TEAD2: variants seen among roughly 807,000 people sequenced by gnomAD.
TEAD2 encodes TEA domain transcription factor 2, also known as transcriptional enhancer factor TEF-4.
In TEAD2, 51 loss-of-function variants were observed where a neutral mutation model predicts 61.4. That is an observed-to-expected ratio of 0.83 (90% CI 0.66 to 1.05). The LOEUF is 1.05. Ranked by LOEUF, TEAD2 falls within the 50% of genes least tolerant of loss-of-function variation. TEAD2 has a pLI of 0.00. For synonymous variants in TEAD2, 244 were observed against 243.2 expected, an observed-to-expected ratio of 1.00 and a Z score of -0.03; for missense variants, 509 against 600.0, an observed-to-expected ratio of 0.85 and a Z score of 1.58.
At chr19:49,352,418 C>T (rs1030501051) in intron 7 of TEAD2, among the ~76,000 whole-genome samples, 4 of 152,182 alleles carry the variant, frequency 2.6e-5, no homozygotes, top group African/African-American at 9.7e-5. Context: ...ACTTAGATGT[C>T]AGAGGTCAGA....
intron 9 of TEAD2, among the ~76,000 whole-genome samples, chr19:49,348,458 T>C (rs1445644642): frequency 1.3e-5 from 2 of 150,480 alleles, no homozygotes; most frequent in East Asian, 3.9e-4. Context: ...AGTTCCTTTA[T>C]GCTAGTAGTT....
At position 49,341,453 on chromosome 19, in the gene TEAD2, G is replaced by A. The variant is rs1025852339; in HGVS notation, c.1243-16C>T. 1 of 1,608,050 alleles carries A rather than the reference G, an allele frequency of 6.2e-7. No homozygotes were observed. The highest frequency in any genetic ancestry group is 1.3e-5 in the African/African-American group (1 of 74,764). On this transcript the variant is annotated splice_polypyrimidine_tract_variant and intron_variant, in intron 12 of 12. Transcript: ENST00000593945. This position sits in a 1 kb window ranked among gnomAD's most constrained non-coding sequence, Gnocchi z 4.2. ...TTGTCACCACCTGCCAGGAAGGCCA[G>A]GACAAGGGACTTATGCTTAGAAGGG...
Position 49,355,505 on chromosome 19 carries a change from G to A in TEAD2, c.373-86C>T, listed in dbSNP as rs559508943. Reference sequence around the variant, plus strand: ...GATGGTGCCAGGGTGGGGTGAAGACGGGGAGGTGCAGAGGTGGGGAGTCAA... The same window carrying A: ...GATGGTGCCAGGGTGGGGTGAAGACAGGGAGGTGCAGAGGTGGGGAGTCAA... On this transcript the variant is annotated intron_variant, in intron 5 of 12. Transcript: ENST00000593945. 2.6e-5 allele frequency: 31 copies of A among 1,180,620 alleles called. No homozygotes were observed. The African/African-American group carries it at 3.0e-4, about 11-fold the overall frequency. 73.1% of individuals were successfully genotyped at this position (1,180,620 alleles called of 1,614,324 possible).
intron 3 of TEAD2, among the ~76,000 whole-genome samples, chr19:49,358,805 G>A (rs1190112628): frequency 6.6e-6 from 1 of 151,510 alleles, no homozygotes; most frequent in African/African-American, 2.4e-5. Flanking sequence ...GCTAATTTTT[G>A]TATTTTTAGT....
intron 9 of TEAD2, among the ~76,000 whole-genome samples, chr19:49,348,222 A>G (rs1425657913): frequency 5.9e-5 from 9 of 152,220 alleles, no homozygotes; most frequent in African/African-American, 2.2e-4. Flanking sequence ...CATGCAACTT[A>G]TCTGGCATTC....
At position 49,359,708 on chromosome 19, in the gene TEAD2, C is replaced by T; in HGVS notation, c.232+136G>A. ...GCTCTGTGCGACCATAAGCAAATCA[C>T]TTAACCTAGCTGTGCCTCAGTTTCC... On this transcript the variant is annotated intron_variant, in intron 2 of 12. Transcript: ENST00000593945. This position sits in a 1 kb window ranked among gnomAD's most constrained non-coding sequence, Gnocchi z 4.1. The T allele has an allele frequency of 1.6e-5, 17 of 1,078,880 alleles. No homozygotes were observed. Among genetic ancestry groups the T allele is most frequent in the South Asian group, 2.9e-5 (2 of 69,414 alleles). The allele number at this position is 1,078,880 out of a possible 1,614,324, so 66.8% of individuals were successfully genotyped here.
rs1972460001 is a variant in TEAD2, at chr19:49,357,150, C to A, written c.360+102G>T. On this transcript the variant is annotated intron_variant, in intron 4 of 12. Transcript: ENST00000593945. ...GGTCTCAGTCCTCCCCGCTCTAAGT[C>A]TCTGTCCCCCTCTCCCTGGGTCTCT... The A allele has an allele frequency of 3.4e-6, 4 of 1,159,424 alleles. 1 individual carries two copies. In the South Asian group the frequency reaches 5.1e-5, roughly 15 times the overall value. The allele number at this position is 1,159,424 out of a possible 1,614,324, so 71.8% of individuals were successfully genotyped here. A position where few individuals can be genotyped will look rare whatever the true frequency, so the allele number is the denominator to read the frequency against.
rs73588392 is a variant in TEAD2 at position 49,341,860 on chromosome 19, A to T, written c.1243-423T>A. Among the ~76,000 whole-genome samples the T allele has an allele frequency of 8.5e-3, 1,287 of 152,214 alleles. 19 individuals are homozygous for T. The highest frequency in any genetic ancestry group is 0.029 in the African/African-American group (1,198 of 41,540). ...GAGGATCTGCCTTCGAGTGCCCTCC[A>T]GTCAGCTTCACCAGGGAAGGAGGGA... On this transcript the variant is annotated intron_variant, in intron 12 of 12. Transcript: ENST00000593945. This position sits in a 1 kb window ranked among gnomAD's most constrained non-coding sequence, Gnocchi z 4.2.
intron 1 of TEAD2, among the ~76,000 whole-genome samples, chr19:49,360,960 AC>A (rs1972837839): frequency 1.0e-5 from 1 of 100,020 alleles, no homozygotes; most frequent in African/African-American, 4.1e-5. Context: ...GAGACCAGTG[AC>A]GGAGGGGACA....
chr19:49,361,443 C>T (rs1972926208), intron 1 of TEAD2: 1 of 152,984 alleles, frequency 6.5e-6, no homozygotes, highest in Non-Finnish European at 1.5e-5. Context: ...GAGGCCGAGA[C>T]CAGGAGAGAC....
At chr19:49,354,386 C>A (rs1328432085) in intron 7 of TEAD2, among the ~76,000 whole-genome samples, 1 of 152,002 alleles carries the variant, frequency 6.6e-6, no homozygotes, top group Non-Finnish European at 1.5e-5. Context: ...TGCCTGTAGT[C>A]TCAGCTACTC....
At chr19:49,350,829 C>T (rs146079826) in intron 8 of TEAD2, among the ~76,000 whole-genome samples, 1,789 of 152,128 alleles carry the variant, frequency 0.012, 19 homozygotes, top group Middle Eastern at 0.031. Flanking sequence ...CAGCCCCTCC[C>T]GGCTCCCCCG....
Position 49,347,332 on chromosome 19 carries a change from T to C in TEAD2, c.779A>G (p.Gln260Arg), listed in dbSNP as rs748045399. The C allele has an allele frequency of 1.2e-6, 2 of 1,612,136 alleles. No individual in the cohort carries two copies. Among genetic ancestry groups the C allele is most frequent in the Admixed American group, 3.3e-5 (2 of 60,010 alleles). The part of the protein sequence containing the change: ...YQRHLFVHIS[Q>R]HCPSPGAPPL... ...CGGCGCTCCGGGGCTGGGGCAGTGC[T>C]GGCTGATGTGCACGAACAGGTGCCT... The change falls in exon 10 of 13, where the codon CAG (glutamine) becomes CGG (arginine). Residue 260 changes from glutamine (Q) to arginine (R), a missense_variant. Coordinates refer to ENST00000593945, the MANE Select transcript of TEAD2 (RefSeq NM_001256660.2).
At position 49,354,043 on chromosome 19, in the gene TEAD2, C is replaced by T. The variant is rs144743319; in HGVS notation, c.539+1105G>A. Reference sequence around the variant, plus strand: ...TCGATCTCCTGACCTCGTGATCCACCCGCCTCAGCCTCCCAAAGTGCTGGG... The same window carrying T: ...TCGATCTCCTGACCTCGTGATCCACTCGCCTCAGCCTCCCAAAGTGCTGGG... On this transcript the variant is annotated intron_variant, in intron 7 of 12. Transcript: ENST00000593945. Among the ~76,000 whole-genome samples the T allele has an allele frequency of 9.4e-3, 1,419 of 151,224 alleles. 24 individuals are homozygous for T. The highest frequency in any genetic ancestry group is 0.032 in the African/African-American group (1,315 of 41,310).
rs755097773 is a variant in TEAD2 at position 49,348,826 on chromosome 19, G to A, written c.624C>T (p.Ala208=). The change falls in exon 9 of 13, where the codon GCC becomes GCT. Residue 208 remains alanine (A), a synonymous_variant. Transcript: ENST00000593945. The part of the protein sequence containing the change: ...TDLPGYEPPQ[A]LSPLPPPTPS... ...GGGTAGGTGGGGGCAGGGGTGAGAG[G>A]GCTTGGGGGGGCTCGTACCCTAGAG... 6.3e-7 allele frequency: 1 copy of A among 1,576,028 alleles called. No individual in the cohort carries two copies. The highest frequency in any genetic ancestry group is 8.6e-7 in the Non-Finnish European group (1 of 1,165,836).
rs997471013 is a variant in TEAD2, at chr19:49,342,576, C to T, written c.1104G>A (p.Gln368=). The T allele has an allele frequency of 5.0e-6, 8 of 1,613,120 alleles. No individual in the cohort carries two copies. The East Asian group carries it at 1.8e-4, about 36-fold the overall frequency. The change falls in exon 12 of 13, where the codon CAG becomes CAA. Residue 368 remains glutamine (Q), a synonymous_variant. Coordinates refer to ENST00000593945, the MANE Select transcript of TEAD2 (RefSeq NM_001256660.2). ...GGTACACAAATCTGCCGTCCTCCAGCTGGGCCCGTTCCGTCTGAACCAAGG... is the reference window on the plus strand; with the variant it reads ...GGTACACAAATCTGCCGTCCTCCAGTTGGGCCCGTTCCGTCTGAACCAAGG... ...VVEKVETERA[Q]LEDGRFVYRL... is the part of the protein sequence containing the mutation.
At chr19:49,349,217 A>G (rs2146404926) in intron 8 of TEAD2, among the ~76,000 whole-genome samples, 2 of 152,314 alleles carry the variant, frequency 1.3e-5, no homozygotes, top group African/African-American at 4.8e-5. Context: ...TAATCCCAGC[A>G]CTTTGGGAGG....
chr19:49,346,943 C>T (rs1021792663), intron 10 of TEAD2, among the ~76,000 whole-genome samples: 5 of 152,156 alleles, frequency 3.3e-5, no homozygotes, highest in African/African-American at 9.7e-5. Context: ...GGTAACTCAC[C>T]GTATTAGTTA....
rs1212447597 is a variant in TEAD2, at chr19:49,341,237, T to TC, written c.*86dup. On this transcript the variant is annotated 3_prime_UTR_variant, in exon 13 of 13. Coordinates refer to ENST00000593945, the MANE Select transcript of TEAD2 (RefSeq NM_001256660.2). The surrounding 1 kb of genome is among the most constrained non-coding windows in gnomAD (Gnocchi z 4.2). ...TCAACCCCTTTACATCACAGCCCTCTCCCCAAATAAGAAGCATGAGGTGAG... is the reference window on the plus strand; with the variant it reads ...TCAACCCCTTTACATCACAGCCCTCTCCCCCAAATAAGAAGCATGAGGTGAG... 4 of 1,155,970 alleles carry TC rather than the reference T, an allele frequency of 3.5e-6. No homozygotes were observed. The highest frequency in any genetic ancestry group is 5.2e-6 in the Non-Finnish European group (4 of 774,614). The allele number at this position is 1,155,970 out of a possible 1,614,324, so 71.6% of individuals were successfully genotyped here.
Sources: allele counts gnomAD v4.1 joint callset (sites outside exome capture counted in the v4.1 genomes callset), GRCh38; gene constraint gnomAD v4.1.1; non-coding constraint Gnocchi (gnomAD v3.1); transcripts MANE v1.5; gene names NCBI Gene and HGNC (gene_info 2026-07-23, HGNC 2026-07-21).